PYHIN1: variants seen among roughly 807,000 people sequenced by gnomAD.
PYHIN1 encodes the protein pyrin and HIN domain-containing protein 1.
In PYHIN1, 32 loss-of-function variants were observed where a neutral mutation model predicts 43.7. The ratio of observed to expected loss-of-function variants is 0.73; its 90% confidence interval spans 0.55 to 0.98. The LOEUF is 0.98. PYHIN1 is among the 50% of genes least tolerant of loss of function. The pLI is 0.00. For missense variants in PYHIN1, 588 were observed against 589.5 expected (o/e 1.00, Z 0.03); for synonymous variants, 205 against 203.1 (o/e 1.01, Z -0.08).
At chr1:158,966,082 A>G (rs1650616170) in intron 7 of PYHIN1, among the ~76,000 whole-genome samples, 1 of 152,220 alleles carries the variant, frequency 6.6e-6, no homozygotes, top group Non-Finnish European at 1.5e-5. Context: ...AATCCTTCAG[A>G]GACTACTATA....
intron 7 of PYHIN1, among the ~76,000 whole-genome samples, chr1:158,955,382 C>T (rs1248213860): frequency 1.3e-5 from 2 of 149,320 alleles, no homozygotes; most frequent in Non-Finnish European, 3.0e-5. Context: ...TGTAAAAGAA[C>T]AGAAATTATA....
chr1:158,952,218 C>T (rs1043384496), intron 7 of PYHIN1, among the ~76,000 whole-genome samples: 5 of 151,124 alleles, frequency 3.3e-5, no homozygotes, highest in South Asian at 2.1e-4. Flanking sequence ...TGCAGCTGGG[C>T]CTGGCTTCCT....
chr1:158,985,074 G>A, the PYHIN1 span, among the ~76,000 whole-genome samples: 2 of 152,072 alleles, frequency 1.3e-5, no homozygotes, highest in African/African-American at 4.8e-5. Context: ...GTCTCTTGAA[G>A]ACAGCATGTA....
chr1:158,953,128 G>A (rs949027628), intron 7 of PYHIN1, among the ~76,000 whole-genome samples: 2 of 152,202 alleles, frequency 1.3e-5, no homozygotes, highest in Non-Finnish European at 2.9e-5. Flanking sequence ...CTGATTGCTA[G>A]CACAGCAGTC....
At chr1:158,970,142 G>T (rs1156343617) in intron 7 of PYHIN1, among the ~76,000 whole-genome samples, 1 of 152,012 alleles carries the variant, frequency 6.6e-6, no homozygotes, top group Non-Finnish European at 1.5e-5. Context: ...AGAATGGCAT[G>T]AGTCATGATC....
intron 7 of PYHIN1, among the ~76,000 whole-genome samples, chr1:158,956,064 AT>A (rs1177457439): frequency 6.8e-6 from 1 of 146,686 alleles, no homozygotes; most frequent in South Asian, 2.1e-4. Flanking sequence ...AAGAAGTTGA[AT>A]GTCTGAATAG....
the PYHIN1 span, among the ~76,000 whole-genome samples, chr1:158,983,153 G>A: frequency 6.6e-6 from 1 of 151,710 alleles, no homozygotes; most frequent in Non-Finnish European, 1.5e-5. Context: ...TTGCCTGACT[G>A]CTCTGGCTAG....
intron 7 of PYHIN1, among the ~76,000 whole-genome samples, chr1:158,948,473 G>T (rs368171774): frequency 2.6e-5 from 4 of 152,290 alleles, no homozygotes; most frequent in Admixed American, 2.6e-4. Flanking sequence ...GCCCCCAGTT[G>T]CAGTTTCATT....
intron 8 of PYHIN1, 104 bp downstream of exon 8, chr1:158,973,875 C>G (rs1651091785): frequency 2.4e-6 from 3 of 1,246,090 alleles, no homozygotes; most frequent in Non-Finnish European, 2.2e-6. Context: ...TATATTATTT[C>G]ATTATTTTAC....
intron 7 of PYHIN1, among the ~76,000 whole-genome samples, chr1:158,966,125 G>A (rs1217052862): frequency 6.6e-6 from 1 of 152,106 alleles, no homozygotes; most frequent in East Asian, 1.9e-4. Context: ...ATAAAACCTA[G>A]AAGAAATGGA....
chr1:158,933,091 C>G lies in PYHIN1; in HGVS notation c.-21+1315C>G, dbSNP rs571101633. ...ATTGGAAGATATAATATAGAACCTC[C>G]TATTATAAGACGGTATTTTCTTGTA... On this transcript the variant is annotated intron_variant, in intron 1 of 8. Transcript: ENST00000368140. The surrounding 1 kb of genome is among the most constrained non-coding windows in gnomAD (Gnocchi z 6.3). Among the ~76,000 whole-genome samples the G allele has an allele frequency of 6.6e-6, 1 of 151,468 alleles. No homozygotes were observed. Among genetic ancestry groups the G allele is most frequent in the African/African-American group, 2.4e-5 (1 of 41,180 alleles).
the PYHIN1 span, among the ~76,000 whole-genome samples, chr1:158,982,295 C>T: frequency 6.6e-6 from 1 of 151,600 alleles, no homozygotes; most frequent in Non-Finnish European, 1.5e-5. Flanking sequence ...TTTTTTTTAA[C>T]TTTATATTGA....
At chr1:158,987,623 T>G in the PYHIN1 span, among the ~76,000 whole-genome samples, 219 of 152,312 alleles carry the variant, frequency 1.4e-3, 2 homozygotes, top group Admixed American at 0.013. Context: ...CAAGGTCATG[T>G]GGATTTACAC....
intron 1 of PYHIN1, among the ~76,000 whole-genome samples, chr1:158,935,106 G>C (rs138371609): frequency 0.019 from 2,947 of 152,222 alleles, 207 homozygotes; most frequent in Admixed American, 0.13. Flanking sequence ...CTGTCCATAA[G>C]GGCACTCTGA....
At chr1:158,968,324 G>A (rs1356206247) in intron 7 of PYHIN1, among the ~76,000 whole-genome samples, 1 of 151,744 alleles carries the variant, frequency 6.6e-6, no homozygotes, top group Non-Finnish European at 1.5e-5. Context: ...ACATACACAT[G>A]GCCAACAAAC....
At chr1:158,984,034 T>TC in the PYHIN1 span, among the ~76,000 whole-genome samples, 1 of 150,130 alleles carries the variant, frequency 6.7e-6, no homozygotes, top group East Asian at 1.9e-4. Flanking sequence ...TCCTGTTTTT[T>TC]TTTTTTTTTT....
chr1:158,955,494 G>C (rs893934053), intron 7 of PYHIN1, among the ~76,000 whole-genome samples: 10 of 152,030 alleles, frequency 6.6e-5, no homozygotes, highest in Non-Finnish European at 1.0e-4. Context: ...ACCTGCTCCT[G>C]AATGACTACT....
chr1:158,940,705 T>G (rs1193240910), intron 4 of PYHIN1, among the ~76,000 whole-genome samples: 1 of 152,244 alleles, frequency 6.6e-6, no homozygotes, highest in African/African-American at 2.4e-5. Flanking sequence ...TTCCCTTTTT[T>G]CTTACATTTG....
At chr1:158,979,600 T>G (rs750062316), downstream of PYHIN1, among the ~76,000 whole-genome samples, 3 of 152,218 alleles carry the variant, frequency 2.0e-5, no homozygotes, top group Non-Finnish European at 4.4e-5. Context: ...AGTTTTCACA[T>G]CTTGTCTATT....
Sources: gnomAD v4.1 joint callset for allele counts (sites outside exome capture counted in the v4.1 genomes callset) on GRCh38, gnomAD v4.1.1 for gene constraint, Gnocchi (gnomAD v3.1) non-coding constraint, MANE v1.5 for transcripts, NCBI Gene and HGNC (gene_info 2026-07-23, HGNC 2026-07-21) for gene names.